Variants in MGAT4C observed in about 807,000 individuals in gnomAD.
MGAT4C encodes MGAT4 family member C.
MGAT4C carries 19 observed loss-of-function variants against 40.1 expected under a neutral mutation model. The observed-to-expected ratio is 0.47, with a 90% CI of 0.33 to 0.70. MGAT4C has a LOEUF of 0.70. Among genes scored for constraint, MGAT4C ranks in the 30% least tolerant of loss-of-function variants. The pLI, the probability that MGAT4C is intolerant of heterozygous loss-of-function variation, is 0.02. For missense variants in MGAT4C, 491 were observed against 563.2 expected (o/e 0.87, Z 1.30); for synonymous variants, 181 against 187.1 (o/e 0.97, Z 0.27).
chr12:86,393,354 A>G (rs1236607690), intron 3 of MGAT4C, among the ~76,000 whole-genome samples: 1 of 152,198 alleles, frequency 6.6e-6, no homozygotes, highest in African/African-American at 2.4e-5. Context: ...AGATGTAAAA[A>G]ATGATTTATA....
intron 2 of MGAT4C, among the ~76,000 whole-genome samples, chr12:86,516,753 T>C (rs1338984547): frequency 6.6e-6 from 1 of 152,146 alleles, no homozygotes. Context: ...ACTGCTGCAA[T>C]TTAATCAAAA....
At chr12:86,097,728 G>T (rs1874204528) in intron 1 of MGAT4C, among the ~76,000 whole-genome samples, 2 of 151,458 alleles carry the variant, frequency 1.3e-5, no homozygotes, top group Non-Finnish European at 3.0e-5. Context: ...TTTATAATTA[G>T]CCTATTATTT....
At chr12:86,281,533 T>G (rs998106592) in intron 4 of MGAT4C, among the ~76,000 whole-genome samples, 10 of 151,934 alleles carry the variant, frequency 6.6e-5, no homozygotes, top group Non-Finnish European at 1.2e-4. Context: ...TTGGAAGACT[T>G]TTATATTTAA....
chr12:86,263,096 T>C (rs983676240), intron 4 of MGAT4C, among the ~76,000 whole-genome samples: 2 of 152,150 alleles, frequency 1.3e-5, no homozygotes, highest in African/African-American at 4.8e-5. Flanking sequence ...AATGTAATTA[T>C]GGGGTTGTAA....
At chr12:86,106,095 A>G (rs1040722105) in intron 1 of MGAT4C, among the ~76,000 whole-genome samples, 3 of 152,194 alleles carry the variant, frequency 2.0e-5, no homozygotes, top group African/African-American at 7.2e-5. Flanking sequence ...TGGAATATGT[A>G]CTAATAGTGC....
rs1880915672 is a variant in MGAT4C, at chr12:86,129,861, A to C, written c.-56-80138T>G. 2.0e-5 allele frequency among the ~76,000 whole-genome samples: 3 copies of C among 151,812 alleles called. 1 individual carries two copies. The highest frequency in any genetic ancestry group is 2.0e-4 in the Admixed American group (3 of 15,238). On this transcript the variant is annotated intron_variant, in intron 1 of 4. Transcript: ENST00000611864. ...GGCGTGAGCCACCGCGCCCGGCCAC[A>C]ATCTTTAACTTCTTTTAATTCCTGT...
chr12:86,822,330 G>T (rs929577605), intron 1 of MGAT4C, among the ~76,000 whole-genome samples: 1 of 151,000 alleles, frequency 6.6e-6, no homozygotes, highest in Non-Finnish European at 1.5e-5. Context: ...ATCACAAAAT[G>T]GCAGTAGGAA....
At chr12:86,297,206 A>C (rs1953704078) in intron 4 of MGAT4C, among the ~76,000 whole-genome samples, 1 of 152,184 alleles carries the variant, frequency 6.6e-6, no homozygotes, top group Non-Finnish European at 1.5e-5. Context: ...CGAATCCTAC[A>C]AAAAGCTCTG....
At chr12:86,054,805 T>G (rs1052229457) in intron 1 of MGAT4C, among the ~76,000 whole-genome samples, 10 of 152,010 alleles carry the variant, frequency 6.6e-5, no homozygotes, top group South Asian at 6.2e-4. Context: ...AGGTCCACCA[T>G]GAGTGAAGTG....
At chr12:86,155,905 G>A (rs1028222444) in intron 1 of MGAT4C, among the ~76,000 whole-genome samples, 1 of 152,108 alleles carries the variant, frequency 6.6e-6, no homozygotes, top group African/African-American at 2.4e-5. Context: ...CTGTAGGGAT[G>A]GAGGCTAACT....
intron 2 of MGAT4C, among the ~76,000 whole-genome samples, chr12:86,593,178 T>C (rs1466446557): frequency 6.6e-6 from 1 of 152,106 alleles, no homozygotes; most frequent in East Asian, 1.9e-4. Context: ...CAATTGTTCA[T>C]AATATTTATT....
intron 2 of MGAT4C, among the ~76,000 whole-genome samples, chr12:86,701,576 T>C (rs1258834782): frequency 6.6e-6 from 1 of 152,128 alleles, no homozygotes; most frequent in Non-Finnish European, 1.5e-5. Context: ...CCCTAGTACT[T>C]GACATACAAC....
At chr12:86,034,466 C>T (rs543380626) in intron 2 of MGAT4C, among the ~76,000 whole-genome samples, 1 of 149,172 alleles carries the variant, frequency 6.7e-6, no homozygotes, top group Non-Finnish European at 1.5e-5. Context: ...CTTTCTGGTT[C>T]AATTTGGGAG....
At chr12:86,489,979 A>G (rs903406181) in intron 2 of MGAT4C, among the ~76,000 whole-genome samples, 6 of 151,724 alleles carry the variant, frequency 4.0e-5, no homozygotes, top group Non-Finnish European at 7.3e-5. Flanking sequence ...GGAGAATGGA[A>G]CCAAGTTGGA....
intron 1 of MGAT4C, among the ~76,000 whole-genome samples, chr12:86,758,263 T>C (rs1233311219): frequency 6.6e-6 from 1 of 152,020 alleles, no homozygotes; most frequent in Non-Finnish European, 1.5e-5. Flanking sequence ...CTAGACCAAG[T>C]TGGCAGGTTA....
chr12:86,752,275 C>G (rs1295340467), intron 1 of MGAT4C, among the ~76,000 whole-genome samples: 3 of 151,960 alleles, frequency 2.0e-5, no homozygotes, highest in Non-Finnish European at 2.9e-5. Flanking sequence ...GACATTTAGT[C>G]TCATGAATGT....
chr12:86,139,061 C>A (rs1227469409), intron 1 of MGAT4C, among the ~76,000 whole-genome samples: 1 of 152,034 alleles, frequency 6.6e-6, no homozygotes, highest in Non-Finnish European at 1.5e-5. Context: ...ATCTTGTTTG[C>A]CTCACCCTAG....
At chr12:86,168,093 C>T (rs530439204) in intron 1 of MGAT4C, among the ~76,000 whole-genome samples, 193 of 152,226 alleles carry the variant, frequency 1.3e-3, no homozygotes, top group Non-Finnish European at 1.0e-3. Context: ...TTCTCTTTAT[C>T]AAATATCATT....
intron 2 of MGAT4C, among the ~76,000 whole-genome samples, chr12:86,589,671 C>T (rs570659908): frequency 1.3e-5 from 2 of 152,004 alleles, no homozygotes; most frequent in South Asian, 4.1e-4. Flanking sequence ...TACTGGCAAA[C>T]CGAATCCAGC....
Sources: allele counts gnomAD v4.1 joint callset (sites outside exome capture counted in the v4.1 genomes callset), GRCh38; gene constraint gnomAD v4.1.1; transcripts MANE v1.5; gene names NCBI Gene and HGNC (gene_info 2026-07-23, HGNC 2026-07-21).